The following SGCD variants were observed in gnomAD, a reference collection of about 807,000 sequenced individuals.
SGCD encodes the protein sarcoglycan delta, also known as delta-sarcoglycan.
Under a neutral mutation model 36.6 loss-of-function variants are expected in SGCD, and 18 were observed. That is an observed-to-expected ratio of 0.49 (90% CI 0.34 to 0.73). SGCD has a LOEUF of 0.73. Ranked by LOEUF, SGCD falls within the 30% of genes least tolerant of loss-of-function variation. The pLI is 0.01. For missense variants in SGCD, 387 were observed against 346.7 expected, an observed-to-expected ratio of 1.12 and a Z score of -0.92; for synonymous variants, 133 against 130.6, an observed-to-expected ratio of 1.02 and a Z score of -0.12.
At chr5:156,731,719 TG>T (rs1215444227) in intron 7 of SGCD, among the ~76,000 whole-genome samples, 3 of 152,106 alleles carry the variant, frequency 2.0e-5, no homozygotes, top group African/African-American at 7.2e-5. Flanking sequence ...AGAATGTCAA[TG>T]GTAGTTTAAT....
the SGCD span, among the ~76,000 whole-genome samples, chr5:155,822,872 T>C: frequency 2.4e-4 from 37 of 152,250 alleles, no homozygotes; most frequent in African/African-American, 8.4e-4. Flanking sequence ...CTCTCATTTT[T>C]TGTTTTCCTC....
At chr5:155,813,670 G>T in the SGCD span, among the ~76,000 whole-genome samples, 4 of 152,146 alleles carry the variant, frequency 2.6e-5, no homozygotes, top group Non-Finnish European at 5.9e-5. Context: ...CAGAATATTT[G>T]CTTAGGATTT....
At chr5:156,261,420 T>C (rs1442686218) in intron 3 of SGCD, among the ~76,000 whole-genome samples, 3 of 152,260 alleles carry the variant, frequency 2.0e-5, no homozygotes, top group Admixed American at 2.0e-4. Context: ...TGGTGGCCCA[T>C]AAGATTATAA....
chr5:156,039,091 T>C (rs1759571758), intron 1 of SGCD, among the ~76,000 whole-genome samples: 1 of 152,054 alleles, frequency 6.6e-6, no homozygotes, highest in African/African-American at 2.4e-5. Flanking sequence ...GTAAAGACAT[T>C]TGGGTTCTAT....
At chr5:156,180,290 A>G (rs995094754) in intron 3 of SGCD, among the ~76,000 whole-genome samples, 1 of 152,178 alleles carries the variant, frequency 6.6e-6, no homozygotes, top group Admixed American at 6.5e-5. Flanking sequence ...AAAAGCTTTT[A>G]CTCTAAGATA....
At chr5:156,614,483 C>T (rs1761950629) in intron 6 of SGCD, among the ~76,000 whole-genome samples, 1 of 152,134 alleles carries the variant, frequency 6.6e-6, no homozygotes, top group South Asian at 2.1e-4. Context: ...TTTTTGGCTA[C>T]TGGATGCTCC....
At chr5:156,309,724 G>A (rs1037410470) in intron 3 of SGCD, among the ~76,000 whole-genome samples, 10 of 150,994 alleles carry the variant, frequency 6.6e-5, no homozygotes, top group Non-Finnish European at 1.3e-4. Flanking sequence ...CTGACCTCAT[G>A]ATCCACCTGC....
At chr5:156,281,605 T>G (rs1264949762) in intron 3 of SGCD, among the ~76,000 whole-genome samples, 1 of 152,188 alleles carries the variant, frequency 6.6e-6, no homozygotes, top group African/African-American at 2.4e-5. Context: ...CTCCCTCTCC[T>G]GCCAAGAAAA....
At chr5:155,838,703 A>G in the SGCD span, among the ~76,000 whole-genome samples, 1 of 151,690 alleles carries the variant, frequency 6.6e-6, no homozygotes, top group Non-Finnish European at 1.5e-5. Context: ...GACATGTAGT[A>G]TCACAAGTTG....
intron 1 of SGCD, among the ~76,000 whole-genome samples, chr5:155,889,442 A>G (rs1362574831): frequency 6.6e-6 from 1 of 152,150 alleles, no homozygotes; most frequent in African/African-American, 2.4e-5. Flanking sequence ...AAAGAGGCAG[A>G]GTTTTTTGAG....
At chr5:156,232,610 G>T (rs964867547) in intron 3 of SGCD, among the ~76,000 whole-genome samples, 1 of 152,158 alleles carries the variant, frequency 6.6e-6, no homozygotes, top group Admixed American at 6.5e-5. Context: ...TATACACCAT[G>T]CATCATTAGG....
At chr5:156,209,902 C>T (rs1764392782) in intron 3 of SGCD, among the ~76,000 whole-genome samples, 1 of 152,170 alleles carries the variant, frequency 6.6e-6, no homozygotes, top group African/African-American at 2.4e-5. Context: ...ATTTGGGCCT[C>T]AGTGCCACTA....
At chr5:156,147,302 G>T (rs554885406) in intron 3 of SGCD, among the ~76,000 whole-genome samples, 1 of 152,288 alleles carries the variant, frequency 6.6e-6, no homozygotes, top group African/African-American at 2.4e-5. Context: ...AGTAATCTTT[G>T]TGTGAGCTTG....
rs1580990996 is a variant in SGCD at position 155,919,773 on chromosome 5, CA to C, written c.-282+49350del. On this transcript the variant is annotated intron_variant, in intron 1 of 9. Transcript: ENST00000517913. ...TCTTTCACCCTTTGATTCATTTCTT[CA>C]TTTGAAAGATGGATTGATTCATTTA... Among the ~76,000 whole-genome samples, 5 of 152,198 alleles carry C rather than the reference CA, an allele frequency of 3.3e-5. 1 individual carries two copies. In the East Asian group the frequency reaches 9.7e-4, roughly 29 times the overall value.
In SGCD at chr5:156,531,086, T is replaced by A. The variant is rs78491448; in HGVS notation, c.294+22384T>A. ...GAATTGATGAGGTCATGAGGACTCC[T>A]CCCTCATGAATGGGATTAATGCCCT... On this transcript the variant is annotated intron_variant, in intron 4 of 8. Coordinates refer to ENST00000337851, the MANE Select transcript of SGCD (RefSeq NM_000337.6). 4.7e-3 allele frequency among the ~76,000 whole-genome samples: 709 copies of A among 152,294 alleles called. 1 individual carries two copies. Among genetic ancestry groups the A allele is most frequent in the Admixed American group, 7.3e-3 (112 of 15,302 alleles).
At chr5:156,591,641 G>C (rs1196937678) in intron 5 of SGCD, among the ~76,000 whole-genome samples, 3 of 152,174 alleles carry the variant, frequency 2.0e-5, no homozygotes, top group African/African-American at 7.2e-5. Context: ...TCTCCTCCCT[G>C]TTTAGGAGAT....
chr5:156,622,030 A>G (rs1762270871), intron 6 of SGCD, among the ~76,000 whole-genome samples: 1 of 152,192 alleles, frequency 6.6e-6, no homozygotes, highest in Non-Finnish European at 1.5e-5. Flanking sequence ...TGAAACCTGT[A>G]TTTTGGTTTT....
chr5:156,431,474 C>A (rs572821394), intron 3 of SGCD, among the ~76,000 whole-genome samples: 42 of 152,200 alleles, frequency 2.8e-4, no homozygotes, highest in Middle Eastern at 3.4e-3. Context: ...TTCTCCAAGT[C>A]CCTTCCTAAT....
chr5:156,102,581 A>G (rs868750746), intron 1 of SGCD, among the ~76,000 whole-genome samples: 12 of 152,198 alleles, frequency 7.9e-5, no homozygotes, highest in African/African-American at 2.7e-4. Context: ...ATGCATCCAA[A>G]TTCTAGCAGT....
Sources: gnomAD v4.1 joint callset for allele counts (sites outside exome capture counted in the v4.1 genomes callset) on GRCh38, gnomAD v4.1.1 for gene constraint, MANE v1.5 for transcripts, NCBI Gene and HGNC (gene_info 2026-07-23, HGNC 2026-07-21) for gene names.